Variants in SRRM4 observed in about 807,000 individuals in gnomAD.
SRRM4 encodes serine/arginine repetitive matrix protein 4.
In SRRM4, 33 loss-of-function variants were observed where a neutral mutation model predicts 68.9. That is an observed-to-expected ratio of 0.48 (90% confidence interval 0.36 to 0.64). The LOEUF (loss-of-function observed/expected upper bound fraction) is 0.64, where lower values mean the gene tolerates loss of function less well. SRRM4 is among the 30% of genes least tolerant of loss of function. The pLI is 0.00. For missense variants in SRRM4, 817 were observed against 827.1 expected (o/e 0.99, Z 0.15); for synonymous variants, 318 against 318.8 (o/e 1.00, Z 0.03).
intron 2 of SRRM4, among the ~76,000 whole-genome samples, chr12:119,112,989 G>A (rs1954154083): frequency 6.6e-6 from 1 of 151,622 alleles, no homozygotes; most frequent in Admixed American, 6.6e-5. Context: ...AAAAAAAACA[G>A]CACATCAAAA....
At chr12:119,137,356 T>C (rs1954335713) in intron 8 of SRRM4, among the ~76,000 whole-genome samples, 1 of 152,140 alleles carries the variant, frequency 6.6e-6, no homozygotes. Flanking sequence ...TGAAATTAAA[T>C]TTTGAAGTGT....
intron 1 of SRRM4, among the ~76,000 whole-genome samples, chr12:119,041,071 T>C (rs965216255): frequency 6.6e-6 from 1 of 152,124 alleles, no homozygotes. Context: ...TATTGACTAC[T>C]CGTTATATCC....
intron 1 of SRRM4, among the ~76,000 whole-genome samples, chr12:119,097,705 C>A (rs933740887): frequency 3.9e-5 from 6 of 152,190 alleles, no homozygotes; most frequent in African/African-American, 1.4e-4. Context: ...TTCCCCATAT[C>A]TGATTCCTGA....
chr12:119,125,548 T>G, intron 7 of SRRM4, 69 bp downstream of exon 7: 26 of 1,321,860 alleles, frequency 2.0e-5, no homozygotes, highest in Non-Finnish European at 2.7e-5. Flanking sequence ...CTGTTAACAC[T>G]AGCTTCGCCT....
intron 7 of SRRM4, among the ~76,000 whole-genome samples, chr12:119,128,244 A>C (rs557315981): frequency 1.2e-4 from 18 of 152,190 alleles, no homozygotes; most frequent in Non-Finnish European, 2.5e-4. Flanking sequence ...AGAACACCGC[A>C]AAACACAAAA....
intron 1 of SRRM4, among the ~76,000 whole-genome samples, chr12:118,996,362 T>C (rs1953349565): frequency 2.6e-5 from 4 of 152,168 alleles, no homozygotes; most frequent in African/African-American, 2.4e-5. Flanking sequence ...TCACAACAAA[T>C]GCTATGACCC....
rs1322253771 is a variant in SRRM4 at position 119,154,729 on chromosome 12, G to A, written c.1532+346G>A. Among the ~76,000 whole-genome samples, 1 of 152,212 alleles carries A rather than the reference G, an allele frequency of 6.6e-6. No homozygotes were observed. The highest frequency in any genetic ancestry group is 1.5e-5 in the Non-Finnish European group (1 of 68,034). On this transcript the variant is annotated intron_variant, in intron 12 of 12. Transcript: ENST00000267260. The surrounding 1 kb of genome is among the most constrained non-coding windows in gnomAD (Gnocchi z 4.7). ...TGGGGGAGAGAGTGGCGTCAGGCCAGGGAATGGAGGCCAAAGCAATGGAGC... is the reference window on the plus strand; with the variant it reads ...TGGGGGAGAGAGTGGCGTCAGGCCAAGGAATGGAGGCCAAAGCAATGGAGC...
chr12:119,078,902 C>T (rs1357972473), intron 1 of SRRM4, among the ~76,000 whole-genome samples: 2 of 152,132 alleles, frequency 1.3e-5, no homozygotes, highest in African/African-American at 4.8e-5. Flanking sequence ...TGCACTCCAG[C>T]CAGGGCAACA....
intron 1 of SRRM4, among the ~76,000 whole-genome samples, chr12:119,072,248 C>T (rs1273281810): frequency 6.6e-6 from 1 of 152,176 alleles, no homozygotes; most frequent in African/African-American, 2.4e-5. Context: ...TTTCCCCCTA[C>T]TTATTCACTC....
intron 1 of SRRM4, among the ~76,000 whole-genome samples, chr12:119,101,696 T>G (rs957508846): frequency 6.6e-6 from 1 of 152,042 alleles, no homozygotes; most frequent in Admixed American, 6.5e-5. Flanking sequence ...ACCATTTGAA[T>G]CTACATATAG....
chr12:119,042,045 A>T (rs546616442), intron 1 of SRRM4, among the ~76,000 whole-genome samples: 1 of 152,250 alleles, frequency 6.6e-6, no homozygotes, highest in African/African-American at 2.4e-5. Flanking sequence ...GACCTTGGAA[A>T]TCACTCAGTC....
intron 1 of SRRM4, among the ~76,000 whole-genome samples, chr12:119,096,066 G>C (rs1215679165): frequency 4.0e-5 from 6 of 151,374 alleles, no homozygotes; most frequent in Non-Finnish European, 8.8e-5. Flanking sequence ...TGTGGCGCAG[G>C]CTGGAGTGCA....
chr12:119,007,675 G>T (rs532787383), intron 1 of SRRM4, among the ~76,000 whole-genome samples: 1 of 152,286 alleles, frequency 6.6e-6, no homozygotes, highest in African/African-American at 2.4e-5. Flanking sequence ...CTTGCGCAAG[G>T]TCACACAGCT....
intron 1 of SRRM4, among the ~76,000 whole-genome samples, chr12:119,067,725 T>A (rs1165062558): frequency 6.6e-6 from 1 of 151,410 alleles, no homozygotes; most frequent in African/African-American, 2.4e-5. Context: ...AATAAATAAA[T>A]AAAAATAAAA....
chr12:119,128,472 G>A (rs571935911), intron 7 of SRRM4, among the ~76,000 whole-genome samples: 12 of 152,124 alleles, frequency 7.9e-5, no homozygotes, highest in Non-Finnish European at 1.5e-4. Flanking sequence ...GCCTATAATA[G>A]GTTCTTTTTA....
At chr12:119,017,586 CGTGGGTGGT>C (rs1953489739) in intron 1 of SRRM4, among the ~76,000 whole-genome samples, 1 of 151,922 alleles carries the variant, frequency 6.6e-6, no homozygotes. Context: ...GGGGAGGAGA[CGTGGGTGGT>C]GTGGCTATGC....
chr12:119,023,909 C>T (rs940914), intron 1 of SRRM4, among the ~76,000 whole-genome samples: 42,211 of 152,050 alleles, frequency 0.28, 6,112 homozygotes, highest in Non-Finnish European at 0.31. Context: ...CCCTACACCC[C>T]GCATTTTAAT....
In SRRM4 at chr12:119,120,246, T is replaced by C. The variant is rs777956059; in HGVS notation, c.438-4T>C. 4.5e-6 allele frequency: 7 copies of C among 1,546,190 alleles called. No individual in the cohort carries two copies. The South Asian group carries it at 7.2e-5, about 16-fold the overall frequency. ...TTTCATTTTTTTTCTTTCTTTCTTT[T>C]CAGGTCATTCTCCAAGAAGAGAAGG... On this transcript the variant is annotated splice_polypyrimidine_tract_variant and splice_region_variant and intron_variant, in intron 4 of 12. Transcript: ENST00000267260.
intron 8 of SRRM4, among the ~76,000 whole-genome samples, chr12:119,137,395 C>T (rs1184757774): frequency 6.6e-6 from 1 of 152,030 alleles, no homozygotes; most frequent in Admixed American, 6.6e-5. Flanking sequence ...TTTCCCCGTT[C>T]TTGATTAAAT....
Sources: gnomAD v4.1 joint callset for allele counts (sites outside exome capture counted in the v4.1 genomes callset) on GRCh38, gnomAD v4.1.1 for gene constraint, Gnocchi (gnomAD v3.1) non-coding constraint, MANE v1.5 for transcripts, NCBI Gene and HGNC (gene_info 2026-07-23, HGNC 2026-07-21) for gene names.